CATSPERD: variants seen among roughly 807,000 people sequenced by gnomAD.
CATSPERD encodes the protein cation channel sperm-associated auxiliary subunit delta.
A neutral mutation model predicts 98.1 loss-of-function variants in CATSPERD; 86 were observed. The observed-to-expected ratio is 0.88, with a 90% confidence interval of 0.74 to 1.05. The LOEUF (loss-of-function observed/expected upper bound fraction) is 1.05. Among genes scored for constraint, CATSPERD ranks in the 50% least tolerant of loss-of-function variants. The pLI is 0.00. For synonymous variants in CATSPERD, 394 were observed against 390.2 expected, an observed-to-expected ratio of 1.01 and a Z score of -0.12; for missense variants, 995 against 1,005.7, an observed-to-expected ratio of 0.99 and a Z score of 0.14.
intron 1 of CATSPERD, among the ~76,000 whole-genome samples, chr19:5,724,567 C>T (rs1003143798): frequency 6.6e-6 from 1 of 152,106 alleles, no homozygotes; most frequent in Non-Finnish European, 1.5e-5. Flanking sequence ...GGTGTTGTGG[C>T]GCGCGCCTGT....
chr19:5,745,818 G>T, intron 8 of CATSPERD, 95 bp from the exon 9 acceptor site: 2 of 1,280,674 alleles, frequency 1.6e-6, no homozygotes, highest in Non-Finnish European at 2.1e-6. Context: ...GCTTTCCCCT[G>T]CACCTGCTAG....
At chr19:5,769,697 G>C (rs2056609397) in intron 18 of CATSPERD, among the ~76,000 whole-genome samples, 3 of 152,266 alleles carry the variant, frequency 2.0e-5, no homozygotes, top group African/African-American at 7.2e-5. Context: ...AGTGACTTTG[G>C]AACCTGCGGA....
chr19:5,735,157 A>G (rs1568345228), intron 5 of CATSPERD, among the ~76,000 whole-genome samples: 1 of 152,106 alleles, frequency 6.6e-6, no homozygotes, highest in Admixed American at 6.6e-5. Context: ...CTTTTTCTGG[A>G]GACAGAGTCT....
chr19:5,733,794 C>G (rs1006971514), intron 4 of CATSPERD, 62 bp from the exon 5 acceptor site: 1 of 1,152,982 alleles, frequency 8.7e-7, no homozygotes, highest in Admixed American at 2.1e-5. Context: ...TAGAAGTCTG[C>G]GTTTCTGAAT....
At chr19:5,733,336 C>CT (rs772518866) in intron 4 of CATSPERD, among the ~76,000 whole-genome samples, 3 of 112,154 alleles carry the variant, frequency 2.7e-5, no homozygotes, top group Non-Finnish European at 5.2e-5. Context: ...TCTTTCTTTC[C>CT]TTTCTTTCTT....
chr19:5,759,795 G>A (rs1369007084), intron 15 of CATSPERD, among the ~76,000 whole-genome samples: 1 of 151,890 alleles, frequency 6.6e-6, no homozygotes, highest in East Asian at 1.9e-4. Flanking sequence ...GGAGTCCCGG[G>A]CCGGGCGCGG....
At position 5,771,065 on chromosome 19, in the gene CATSPERD, G is replaced by T; in HGVS notation, c.1756G>T (p.Val586Leu). Reference protein sequence around the residue: ...VYYDTLWKPVVELWRKDSFQE... With the variant: ...VYYDTLWKPVLELWRKDSFQE... ...CTATGACACCCTATGGAAGCCCGTG[G>T]TGGAGCTGTAAGACCCCAGGGGGGT... The change falls in exon 19 of 22, where the codon GTG (valine) becomes TTG (leucine). Residue 586 changes from valine (V) to leucine (L), a missense_variant. This residue lies in a region of CATSPERD where 762 missense variants were observed against 773.7 expected (regional missense o/e 0.98). Transcript: ENST00000381624. 1 of 1,613,420 alleles carries T rather than the reference G, an allele frequency of 6.2e-7. No individual in the cohort carries two copies.
At chr19:5,730,497 C>T (rs891350446) in intron 4 of CATSPERD, among the ~76,000 whole-genome samples, 7 of 151,248 alleles carry the variant, frequency 4.6e-5, no homozygotes, top group Admixed American at 2.6e-4. Context: ...GGCCTGAGAT[C>T]GAGGCACTGC....
chr19:5,766,336 G>A lies in CATSPERD; in HGVS notation c.1559+181G>A, dbSNP rs112774356. Among the ~76,000 whole-genome samples the A allele has an allele frequency of 5.2e-3, 782 of 150,196 alleles. 4 individuals are homozygous for A. The highest frequency in any genetic ancestry group is 0.017 in the African/African-American group (699 of 40,902). ...CGTGGTGGCAGACACCTGCAATCTC[G>A]GCTACTTGGGAGGCTGAGGCTGGAG... On this transcript the variant is annotated intron_variant, in intron 17 of 21. Transcript: ENST00000381624.
At chr19:5,764,969 A>C (rs2056510688) in intron 16 of CATSPERD, among the ~76,000 whole-genome samples, 1 of 151,960 alleles carries the variant, frequency 6.6e-6, no homozygotes, top group African/African-American at 2.4e-5. Flanking sequence ...GCCGCACAGT[A>C]GCACAATCAA....
intron 21 of CATSPERD, among the ~76,000 whole-genome samples, chr19:5,777,524 T>C (rs971931361): frequency 6.6e-6 from 1 of 152,080 alleles, no homozygotes; most frequent in African/African-American, 2.4e-5. Flanking sequence ...AGCCTGGGCA[T>C]TGGGGGAGAA....
At chr19:5,760,073 CAA>C (rs60075484) in intron 15 of CATSPERD, among the ~76,000 whole-genome samples, 4 of 48,530 alleles carry the variant, frequency 8.2e-5, no homozygotes, top group African/African-American at 2.8e-4. Flanking sequence ...GACTCCATCT[CAA>C]AAAAAAAAAA....
intron 13 of CATSPERD, among the ~76,000 whole-genome samples, chr19:5,755,761 G>A (rs1472589573): frequency 2.0e-5 from 3 of 150,514 alleles, no homozygotes; most frequent in Non-Finnish European, 3.0e-5. Context: ...CAACAAGAGC[G>A]AGACTCTGTC....
At chr19:5,763,515 G>A (rs996821275) in intron 16 of CATSPERD, among the ~76,000 whole-genome samples, 5 of 152,234 alleles carry the variant, frequency 3.3e-5, no homozygotes, top group East Asian at 1.9e-4. Context: ...GATGAACCTC[G>A]AGGAGATCCC....
In CATSPERD at chr19:5,739,585, A is replaced by G. The variant is rs929164085; in HGVS notation, c.573+146A>G. 1.7e-5 allele frequency: 9 copies of G among 518,024 alleles called. No homozygotes were observed. In the African/African-American group the frequency reaches 1.9e-4, roughly 11 times the overall value. The allele number at this position is 518,024 out of a possible 1,614,324, so 32.1% of individuals were successfully genotyped here. A position where few individuals can be genotyped will look rare whatever the true frequency, so the allele number is the denominator to read the frequency against. On this transcript the variant is annotated intron_variant, in intron 7 of 21. Transcript: ENST00000381624. ...GGTGGCTCATGCCTGTAATCCCAGC[A>G]CTTTGGGAGGCTGAGGCAGGAGGAT...
At chr19:5,774,174 C>T (rs1206159681) in intron 20 of CATSPERD, among the ~76,000 whole-genome samples, 1 of 151,300 alleles carries the variant, frequency 6.6e-6, no homozygotes, top group Non-Finnish European at 1.5e-5. Flanking sequence ...CACCGTGTTG[C>T]CCAGGCTGGT....
intron 5 of CATSPERD, among the ~76,000 whole-genome samples, chr19:5,735,229 C>G (rs1451874017): frequency 2.6e-5 from 4 of 152,096 alleles, no homozygotes; most frequent in Non-Finnish European, 5.9e-5. Context: ...CCTCTGCCTC[C>G]TGGGTTCAAG....
At position 5,757,944 on chromosome 19, in the gene CATSPERD, C is replaced by A; in HGVS notation, c.1368+12C>A. 1.9e-6 allele frequency: 3 copies of A among 1,605,906 alleles called. No homozygotes were observed. The highest frequency in any genetic ancestry group is 1.1e-5 in the South Asian group (1 of 90,288). On this transcript the variant is annotated intron_variant, in intron 14 of 21. Transcript: ENST00000381624. ...CCAAGTACAAACTGGTGAGCCGCGTCCCCACCAAACCCTGTCGCCTGTCCC... is the reference window on the plus strand; with the variant it reads ...CCAAGTACAAACTGGTGAGCCGCGTACCCACCAAACCCTGTCGCCTGTCCC...
At chr19:5,740,108 C>G (rs1386464075) in intron 7 of CATSPERD, among the ~76,000 whole-genome samples, 1 of 151,072 alleles carries the variant, frequency 6.6e-6, no homozygotes, top group Non-Finnish European at 1.5e-5. Context: ...ATGGAGAAAC[C>G]CCGTCTCTAC....
Sources: allele counts gnomAD v4.1 joint callset (sites outside exome capture counted in the v4.1 genomes callset), GRCh38; gene constraint gnomAD v4.1.1; regional missense constraint gnomAD v4.1.1; transcripts MANE v1.5; gene names NCBI Gene and HGNC (gene_info 2026-07-23, HGNC 2026-07-21).